The following DENND3 variants were observed in gnomAD, a reference collection of about 807,000 sequenced individuals.
DENND3 encodes the protein DENN domain containing 3, also known as DENN domain-containing protein 3.
In DENND3, 88 loss-of-function variants were observed where a neutral mutation model predicts 135.1. That is an observed-to-expected ratio of 0.65 (90% confidence interval 0.55 to 0.78). DENND3 has a LOEUF of 0.78. Among genes scored for constraint, DENND3 ranks in the 30% least tolerant of loss-of-function variants. The pLI is 0.00. For synonymous variants in DENND3, 693 were observed against 712.3 expected (o/e 0.97, Z 0.43); for missense variants, 1,392 against 1,688.4 (o/e 0.82, Z 3.08).
In DENND3 at chr8:141,166,944, T is replaced by G. The variant is rs1255415024; in HGVS notation, c.1753+555T>G. Among the ~76,000 whole-genome samples, 1 of 151,984 alleles carries G rather than the reference T, an allele frequency of 6.6e-6. No individual in the cohort carries two copies. The highest frequency in any genetic ancestry group is 1.5e-5 in the Non-Finnish European group (1 of 67,966). On this transcript the variant is annotated intron_variant, in intron 12 of 22. Transcript: ENST00000519811. The surrounding 1 kb of genome is among the most constrained non-coding windows in gnomAD (Gnocchi z 4.3). ...TTGGGGAGGTACGTCCTGTCCCTAGTGAATGGGAGAAACTGTCGGGAGGCC... is the reference window on the plus strand; with the variant it reads ...TTGGGGAGGTACGTCCTGTCCCTAGGGAATGGGAGAAACTGTCGGGAGGCC...
At chr8:141,132,509 G>A (rs1048940641) in intron 1 of DENND3, among the ~76,000 whole-genome samples, 2 of 151,922 alleles carry the variant, frequency 1.3e-5, no homozygotes, top group Non-Finnish European at 1.5e-5. Flanking sequence ...AGGCATGTAC[G>A]ACTATGCCTG....
At chr8:141,131,227 TC>T (rs1816050067) in intron 1 of DENND3, among the ~76,000 whole-genome samples, 3 of 152,092 alleles carry the variant, frequency 2.0e-5, no homozygotes, top group Admixed American at 2.0e-4. Flanking sequence ...TTAGTTACAT[TC>T]CCCTCCACCC....
At chr8:141,176,993 C>T (rs1046152639) in intron 15 of DENND3, 4 of 530,184 alleles carry the variant, frequency 7.5e-6, no homozygotes, top group East Asian at 3.3e-5. Context: ...AAACGCAGGG[C>T]GGTCTGGGCA....
intron 13 of DENND3, chr8:141,173,825 C>G (rs1394386019): frequency 6.6e-6 from 1 of 152,324 alleles, no homozygotes; most frequent in Non-Finnish European, 1.5e-5. Flanking sequence ...CGGCCCAGGT[C>G]TGCTGGCAAA....
rs898310459 is a variant in DENND3 at position 141,130,656 on chromosome 8, C to T, written c.102+1847C>T. ...TTTATTTATTTAGATGTTTTTTCGG[C>T]GGTTCTATTTTGAATGTCCAAGGCT... On this transcript the variant is annotated intron_variant, in intron 1 of 22. Coordinates refer to ENST00000519811, the MANE Select transcript of DENND3 (RefSeq NM_001352890.3). The surrounding 1 kb of genome is among the most constrained non-coding windows in gnomAD (Gnocchi z 4.2). 3.3e-5 allele frequency among the ~76,000 whole-genome samples: 5 copies of T among 150,756 alleles called. No homozygotes were observed. Among genetic ancestry groups the T allele is most frequent in the East Asian group, 1.9e-4 (1 of 5,158 alleles).
intron 16 of DENND3, among the ~76,000 whole-genome samples, chr8:141,179,631 G>A (rs751625591): frequency 6.6e-6 from 1 of 152,246 alleles, no homozygotes; most frequent in African/African-American, 2.4e-5. Flanking sequence ...GTCATAGTCC[G>A]AGGCAGGAGC....
intron 13 of DENND3, among the ~76,000 whole-genome samples, chr8:141,170,844 GGAGCGGCCTGCTGT>G (rs1821456908): frequency 6.6e-6 from 1 of 152,214 alleles, no homozygotes; most frequent in African/African-American, 2.4e-5. Context: ...TCTGTGGCCT[GGAGCGGCCTGCTGT>G]CTCCCGGTCA....
chr8:141,150,792 G>C (rs781302744), intron 5 of DENND3, 42 bp from the exon 6 acceptor site: 2 of 1,546,154 alleles, frequency 1.3e-6, no homozygotes, highest in African/African-American at 1.4e-5. Flanking sequence ...GCCTCTGCCC[G>C]GAGCAGCTCT....
At chr8:141,149,725 G>T (rs1818560238) in intron 5 of DENND3, among the ~76,000 whole-genome samples, 1 of 152,262 alleles carries the variant, frequency 6.6e-6, no homozygotes, top group African/African-American at 2.4e-5. Context: ...AACCTAGCCG[G>T]GCACGGGCAT....
chr8:141,129,470 A>C (rs1357203737), intron 1 of DENND3, among the ~76,000 whole-genome samples: 1 of 151,864 alleles, frequency 6.6e-6, no homozygotes, highest in African/African-American at 2.4e-5. Flanking sequence ...CAAAGTGACA[A>C]CTTCATCTCC....
chr8:141,129,410 C>A (rs1442735797), intron 1 of DENND3, among the ~76,000 whole-genome samples: 1 of 152,178 alleles, frequency 6.6e-6, no homozygotes, highest in African/African-American at 2.4e-5. Context: ...TTCTCCCTTG[C>A]GGTACCACCC....
chr8:141,154,722 C>A lies in DENND3; in HGVS notation c.1075-1127C>A, dbSNP rs1244940251. Among the ~76,000 whole-genome samples, 1 of 152,050 alleles carries A rather than the reference C, an allele frequency of 6.6e-6. No individual in the cohort carries two copies. Among genetic ancestry groups the A allele is most frequent in the Non-Finnish European group, 1.5e-5 (1 of 68,012 alleles). On this transcript the variant is annotated intron_variant, in intron 7 of 22. Transcript: ENST00000519811. The surrounding 1 kb of genome is among the most constrained non-coding windows in gnomAD (Gnocchi z 4.4). ...GGATTGCAGGCACACGCCACCATGC[C>A]TGGGTAATTTTTGTATTTTTAGTAG...
chr8:141,158,103 C>T, intron 8 of DENND3: 1 of 1,252,798 alleles, frequency 8.0e-7, no homozygotes. Context: ...AAAAAATTCC[C>T]TAAGGCCTTA....
rs539968434 is a variant in DENND3 at position 141,166,788 on chromosome 8, C to T, written c.1753+399C>T. Among the ~76,000 whole-genome samples the T allele has an allele frequency of 2.0e-5, 3 of 152,304 alleles. No individual in the cohort carries two copies. The highest frequency in any genetic ancestry group is 4.1e-4 in the South Asian group (2 of 4,826). ...TGAAGGAGCCCAGTGCCCCTGCCCT[C>T]GTGGAGCTGGCATTCCAGGGCCAGG... is the stretch of plus-strand genomic sequence containing the variant. On this transcript the variant is annotated intron_variant, in intron 12 of 22. Transcript: ENST00000519811. This position sits in a 1 kb window ranked among gnomAD's most constrained non-coding sequence, Gnocchi z 4.3.
intron 5 of DENND3, 21 bp from the exon 6 acceptor site, chr8:141,150,813 G>A: frequency 6.3e-7 from 1 of 1,580,012 alleles, no homozygotes; most frequent in Non-Finnish European, 8.6e-7. Flanking sequence ...CTGAACTAAT[G>A]ACGGGAACTG....
rs373452499 is a variant in DENND3, at chr8:141,128,836, C to G, written c.102+27C>G. ...TGAGGGGCGGGGAAACTGAGGCGGACGTGGGCCACGAGTCGGCAGCCGGGA... is the reference window on the plus strand; with the variant it reads ...TGAGGGGCGGGGAAACTGAGGCGGAGGTGGGCCACGAGTCGGCAGCCGGGA... On this transcript the variant is annotated intron_variant, in intron 1 of 22. Transcript: ENST00000519811. The surrounding 1 kb of genome is among the most constrained non-coding windows in gnomAD (Gnocchi z 4.5). 4.4e-6 allele frequency: 6 copies of G among 1,356,036 alleles called. No individual in the cohort carries two copies. Among genetic ancestry groups the G allele is most frequent in the Non-Finnish European group, 4.8e-6 (5 of 1,044,996 alleles). 84.0% of individuals were successfully genotyped at this position (1,356,036 alleles called of 1,614,324 possible). A position where few individuals can be genotyped will look rare whatever the true frequency, so the allele number is the denominator to read the frequency against.
Position 141,157,377 on chromosome 8 carries a change from T to A in DENND3, c.1196+1407T>A, listed in dbSNP as rs966039884. 7 of 985,236 alleles carry A rather than the reference T, an allele frequency of 7.1e-6. No homozygotes were observed. The African/African-American group carries it at 1.2e-4, about 17-fold the overall frequency. 61.0% of individuals were successfully genotyped at this position (985,236 alleles called of 1,614,324 possible). ...CTCCCTCGGGGTTGCTCTGCGGAGC[T>A]CATTTTTCCCTTCAGCATTTTATAA... is the stretch of plus-strand genomic sequence containing the variant. On this transcript the variant is annotated intron_variant, in intron 8 of 22. Transcript: ENST00000519811.
chr8:141,148,915 CTT>C (rs747154335), intron 5 of DENND3, among the ~76,000 whole-genome samples: 18 of 143,708 alleles, frequency 1.3e-4, no homozygotes, highest in Non-Finnish European at 9.2e-5. Context: ...ATGAATCTGC[CTT>C]TTTTTTTTTT....
Position 141,144,018 on chromosome 8 carries a change from C to T in DENND3, c.624-130C>T. The T allele has an allele frequency of 1.3e-6, 1 of 748,354 alleles. No homozygotes were observed. Among genetic ancestry groups the T allele is most frequent in the Admixed American group, 3.3e-5 (1 of 30,192 alleles). The allele number at this position is 748,354 out of a possible 1,614,324, so 46.4% of individuals were successfully genotyped here. On this transcript the variant is annotated intron_variant, in intron 4 of 22. Transcript: ENST00000519811. This position sits in a 1 kb window ranked among gnomAD's most constrained non-coding sequence, Gnocchi z 4.4. ...GTCACCCAGCAGCTTGGTGACTTTG[C>T]TTTTGGTGAAAGGTCCTGGAGCTGC...
Sources: gnomAD v4.1 joint callset for allele counts (sites outside exome capture counted in the v4.1 genomes callset) on GRCh38, gnomAD v4.1.1 for gene constraint, Gnocchi (gnomAD v3.1) non-coding constraint, MANE v1.5 for transcripts, NCBI Gene and HGNC (gene_info 2026-07-23, HGNC 2026-07-21) for gene names.